OSBPL9: variants seen among roughly 807,000 people sequenced by gnomAD.
OSBPL9 encodes oxysterol-binding protein-related protein 9.
A neutral mutation model predicts 106.6 loss-of-function variants in OSBPL9; 40 were observed. The ratio of observed to expected loss-of-function variants is 0.38; its 90% CI spans 0.29 to 0.49. OSBPL9 has a LOEUF of 0.49. OSBPL9 is among the 20% of genes least tolerant of loss of function. The pLI is 0.97. For synonymous variants in OSBPL9, 269 were observed against 295.4 expected, an observed-to-expected ratio of 0.91 and a Z score of 0.92; for missense variants, 609 against 887.2, an observed-to-expected ratio of 0.69 and a Z score of 3.98.
intron 2 of OSBPL9, among the ~76,000 whole-genome samples, chr1:51,664,631 G>T (rs1469359960): frequency 6.6e-6 from 1 of 152,146 alleles, no homozygotes. Context: ...AGCAGAGGTT[G>T]CAGTGAGCTG....
At chr1:51,620,471 G>T (rs1357477801) in intron 1 of OSBPL9, among the ~76,000 whole-genome samples, 2 of 152,102 alleles carry the variant, frequency 1.3e-5, no homozygotes, top group African/African-American at 4.8e-5. Context: ...AAGCACAGGG[G>T]GATACATAGG....
chr1:51,693,904 C>G (rs1204153847), intron 3 of OSBPL9, among the ~76,000 whole-genome samples: 2 of 152,182 alleles, frequency 1.3e-5, no homozygotes, highest in African/African-American at 4.8e-5. Flanking sequence ...CCCACAGATA[C>G]ATAATGAGCA....
chr1:51,758,972 CTT>C (rs965792700), intron 9 of OSBPL9, among the ~76,000 whole-genome samples: 2 of 152,024 alleles, frequency 1.3e-5, no homozygotes, highest in South Asian at 2.1e-4. Context: ...TAAATACAGA[CTT>C]TTTATTTTGC....
chr1:51,617,860 G>C (rs889774862), intron 1 of OSBPL9, among the ~76,000 whole-genome samples: 1 of 152,224 alleles, frequency 6.6e-6, no homozygotes, highest in Non-Finnish European at 1.5e-5. Context: ...CTACACGCGA[G>C]ACTCTTGTCA....
chr1:51,539,699 A>T, the OSBPL9 span, among the ~76,000 whole-genome samples: 1 of 152,338 alleles, frequency 6.6e-6, no homozygotes, highest in Admixed American at 6.5e-5. Flanking sequence ...GAGATTGAGA[A>T]ATTTGCCCAA....
chr1:51,669,745 T>A (rs757555463), intron 3 of OSBPL9: 1 of 628,148 alleles, frequency 1.6e-6, no homozygotes, highest in East Asian at 3.2e-5. Flanking sequence ...GATGAAAATT[T>A]TAAAGGATAA....
At chr1:51,598,910 C>T (rs1645314992) in intron 2 of OSBPL9, among the ~76,000 whole-genome samples, 1 of 151,490 alleles carries the variant, frequency 6.6e-6, no homozygotes, top group Non-Finnish European at 1.5e-5. Flanking sequence ...AGGAGAATCA[C>T]TTGAACCCAG....
chr1:51,565,315 A>ATACTGAAC, the OSBPL9 span, among the ~76,000 whole-genome samples: 1 of 152,084 alleles, frequency 6.6e-6, no homozygotes, highest in Admixed American at 6.5e-5. Flanking sequence ...TGTTCCCCAA[A>ATACTGAAC]TACTGAACTA....
intron 1 of OSBPL9, among the ~76,000 whole-genome samples, chr1:51,593,925 C>CAT (rs1645288155): frequency 6.6e-6 from 1 of 151,732 alleles, no homozygotes; most frequent in South Asian, 2.1e-4. Context: ...CACACACACA[C>CAT]ACACACACAC....
Position 51,784,633 on chromosome 1 carries a change from C to G in OSBPL9, c.1829+51C>G, listed in dbSNP as rs771639362. 2.5e-6 allele frequency: 4 copies of G among 1,577,010 alleles called. No individual in the cohort carries two copies. The Admixed American group carries it at 6.8e-5, about 27-fold the overall frequency. On this transcript the variant is annotated intron_variant, in intron 20 of 23. Transcript: ENST00000428468. ...TCTTATGCTTTTCTGAAATAACTGC[C>G]TTTTGTCTTGAACTACAGCTTCTGG...
At chr1:51,617,477 CCGCTATTAAGCGGT>C (rs1201557567) in intron 1 of OSBPL9, among the ~76,000 whole-genome samples, 1 of 152,076 alleles carries the variant, frequency 6.6e-6, no homozygotes, top group Non-Finnish European at 1.5e-5. Flanking sequence ...TTCTTAGGGT[CCGCTATTAAGCGGT>C]AGTGGGGTCC....
intron 2 of OSBPL9, among the ~76,000 whole-genome samples, chr1:51,605,906 G>C (rs1261351440): frequency 1.3e-5 from 2 of 152,018 alleles, no homozygotes; most frequent in Non-Finnish European, 2.9e-5. Context: ...CTTGAACCTG[G>C]GAGGTGGAGG....
chr1:51,702,045 CGTT>C, intron 3 of OSBPL9, among the ~76,000 whole-genome samples: 1 of 152,122 alleles, frequency 6.6e-6, no homozygotes. Flanking sequence ...TCCAGTCTAT[CGTT>C]GTTGGACATT....
intron 2 of OSBPL9, among the ~76,000 whole-genome samples, chr1:51,600,167 G>A (rs554788149): frequency 6.6e-6 from 1 of 152,294 alleles, no homozygotes; most frequent in South Asian, 2.1e-4. Context: ...TCAAACCGTA[G>A]CACCACTATA....
At chr1:51,675,357 A>AT (rs1200099214) in intron 3 of OSBPL9, among the ~76,000 whole-genome samples, 30 of 151,750 alleles carry the variant, frequency 2.0e-4, no homozygotes, top group African/African-American at 6.8e-4. Context: ...CCAGAAATTA[A>AT]TTAATTAATT....
the OSBPL9 span, among the ~76,000 whole-genome samples, chr1:51,549,829 T>C: frequency 1.3e-5 from 2 of 152,198 alleles, no homozygotes; most frequent in Admixed American, 6.5e-5. Flanking sequence ...CAAGACTCTG[T>C]CTCAAAACAA....
intron 1 of OSBPL9, among the ~76,000 whole-genome samples, chr1:51,590,032 CAAA>C (rs941103745): frequency 9.9e-5 from 5 of 50,278 alleles, no homozygotes; most frequent in Admixed American, 4.4e-4. Context: ...GACTCCGTCT[CAAA>C]AAAAAAAAAA....
chr1:51,771,487 G>T (rs1173794243), intron 12 of OSBPL9, among the ~76,000 whole-genome samples: 2 of 151,950 alleles, frequency 1.3e-5, no homozygotes. Context: ...AAATATACGT[G>T]CGTGTGCGCG....
At chr1:51,687,220 T>A (rs1653997787) in intron 3 of OSBPL9, among the ~76,000 whole-genome samples, 1 of 152,172 alleles carries the variant, frequency 6.6e-6, no homozygotes, top group African/African-American at 2.4e-5. Context: ...GATACAGAAC[T>A]GATGGAGTGC....
Sources: gnomAD v4.1 joint callset for allele counts (sites outside exome capture counted in the v4.1 genomes callset) on GRCh38, gnomAD v4.1.1 for gene constraint, MANE v1.5 for transcripts, NCBI Gene and HGNC (gene_info 2026-07-23, HGNC 2026-07-21) for gene names.